The following CRACD variants were observed in gnomAD, a reference collection of about 807,000 sequenced individuals.
The protein encoded by CRACD is capping protein inhibiting regulator of actin dynamics, also known as capping protein-inhibiting regulator of actin dynamics.
In CRACD, 56 loss-of-function variants were observed where a neutral mutation model predicts 106.8. The ratio of observed to expected loss-of-function variants is 0.52; its 90% CI spans 0.42 to 0.66. The LOEUF (loss-of-function observed/expected upper bound fraction) is 0.66, where lower values mean the gene tolerates loss of function less well. CRACD is among the 30% of genes least tolerant of loss of function. CRACD has a pLI of 0.00. For missense variants in CRACD, 1,730 were observed against 1,623.2 expected (o/e 1.07, Z -1.13); for synonymous variants, 754 against 670.8 (o/e 1.12, Z -1.92).
At chr4:56,257,901 C>G (rs1577815072) in intron 2 of CRACD, among the ~76,000 whole-genome samples, 1 of 151,920 alleles carries the variant, frequency 6.6e-6, no homozygotes, top group South Asian at 2.1e-4. Flanking sequence ...GAAACCCCGT[C>G]TCTACTTAAA....
intron 2 of CRACD, among the ~76,000 whole-genome samples, chr4:56,207,967 A>G (rs920493923): frequency 2.0e-5 from 3 of 150,200 alleles, no homozygotes; most frequent in Admixed American, 6.7e-5. Context: ...GACTGCAGAC[A>G]CACCATGCCT....
Position 56,214,681 on chromosome 4 carries a change from C to CTCTCTCTCTCTATA in CRACD, c.-189+35252_-189+35253insCTCTCTCTCTATAT. ...TCTCTCTCTCTCTCTCTCTCTCTCT[C>CTCTCTCTCTCTATA]TATATATATATATATCAAACAGTTA... On this transcript the variant is annotated intron_variant, in intron 2 of 10. Transcript: ENST00000682029. 2.0e-3 allele frequency among the ~76,000 whole-genome samples: 161 copies of CTCTCTCTCTCTATA among 80,976 alleles called. 3 individuals carry two copies. The highest frequency in any genetic ancestry group is 0.014 in the East Asian group (38 of 2,728). The allele number at this position is 80,976 out of a possible 152,430, so 53.1% of individuals were successfully genotyped here.
chr4:56,163,799 G>A (rs1736043087), intron 1 of CRACD, among the ~76,000 whole-genome samples: 2 of 151,762 alleles, frequency 1.3e-5, no homozygotes, highest in Admixed American at 6.6e-5. Context: ...AAACTGCAGT[G>A]CCATGGCACA....
chr4:56,236,524 T>G (rs1032269065), intron 2 of CRACD, among the ~76,000 whole-genome samples: 17 of 152,086 alleles, frequency 1.1e-4, no homozygotes, highest in African/African-American at 3.4e-4. Context: ...CACTAACCAG[T>G]CAGAAGAGAT....
chr4:56,286,482 C>T (rs1252208575), intron 3 of CRACD, among the ~76,000 whole-genome samples: 4 of 138,662 alleles, frequency 2.9e-5, no homozygotes, highest in Non-Finnish European at 4.5e-5. Flanking sequence ...GCCGAGATCG[C>T]GCCACTGCAC....
chr4:56,158,326 T>C (rs1050034291), intron 1 of CRACD, among the ~76,000 whole-genome samples: 2 of 152,230 alleles, frequency 1.3e-5, no homozygotes. Context: ...TTTGCTGAAA[T>C]AGCGCTTTTG....
At chr4:56,270,880 A>T (rs1742310219) in intron 2 of CRACD, among the ~76,000 whole-genome samples, 2 of 151,924 alleles carry the variant, frequency 1.3e-5, no homozygotes, top group African/African-American at 4.8e-5. Context: ...TCAGGAGTTC[A>T]AAACCAGCCT....
intron 2 of CRACD, among the ~76,000 whole-genome samples, chr4:56,267,299 T>G (rs770256481): frequency 1.3e-5 from 2 of 152,084 alleles, no homozygotes; most frequent in Non-Finnish European, 2.9e-5. Context: ...TTTTTTTGTA[T>G]TTTTAGTAGA....
At chr4:56,094,277 A>T (rs939194221) in intron 1 of CRACD, among the ~76,000 whole-genome samples, 4 of 152,160 alleles carry the variant, frequency 2.6e-5, no homozygotes, top group Non-Finnish European at 5.9e-5. Flanking sequence ...TTCCCTAAGT[A>T]GTCATTATTT....
chr4:56,162,221 G>T lies in CRACD; in HGVS notation c.-335-17063G>T, dbSNP rs1257357514. The stretch of plus-strand genomic sequence containing the variant: ...ATTATTATTTTTTTTTAGAAACAGG[G>T]TCTCACTTTGTTGCCCAGGCTGGAG... On this transcript the variant is annotated intron_variant, in intron 1 of 10. Transcript: ENST00000682029. 2.0e-5 allele frequency among the ~76,000 whole-genome samples: 3 copies of T among 151,550 alleles called. No individual in the cohort carries two copies. In the East Asian group the frequency reaches 5.8e-4, roughly 29 times the overall value.
In CRACD at chr4:56,212,351, G is replaced by C. The variant is rs377351332; in HGVS notation, c.-189+32921G>C. On this transcript the variant is annotated intron_variant, in intron 2 of 10. Transcript: ENST00000682029. Reference sequence around the variant, plus strand: ...AAACACATGAATAATGTACCCATTGGTTAGCATATAATCAAGAAATAACCG... The same window carrying C: ...AAACACATGAATAATGTACCCATTGCTTAGCATATAATCAAGAAATAACCG... 1.2e-3 allele frequency among the ~76,000 whole-genome samples: 177 copies of C among 152,318 alleles called. 1 individual carries two copies. Among genetic ancestry groups the C allele is most frequent in the African/African-American group, 3.9e-3 (164 of 41,568 alleles).
intron 4 of CRACD, among the ~76,000 whole-genome samples, chr4:56,301,569 C>A (rs541769394): frequency 4.5e-4 from 68 of 152,188 alleles, no homozygotes; most frequent in African/African-American, 1.4e-3. Context: ...TACTGGAGTG[C>A]CTTTTTTCTC....
chr4:56,301,861 C>A (rs1436208618), intron 4 of CRACD, among the ~76,000 whole-genome samples: 2 of 152,142 alleles, frequency 1.3e-5, no homozygotes, highest in African/African-American at 4.8e-5. Flanking sequence ...AGAAAAATCA[C>A]CATTTTTTTT....
At position 56,203,728 on chromosome 4, in the gene CRACD, G is replaced by A. The variant is rs1737993593; in HGVS notation, c.-189+24298G>A. Among the ~76,000 whole-genome samples, 3 of 152,194 alleles carry A rather than the reference G, an allele frequency of 2.0e-5. No homozygotes were observed. The South Asian group carries it at 6.2e-4, about 32-fold the overall frequency. On this transcript the variant is annotated intron_variant, in intron 2 of 10. Coordinates refer to ENST00000682029, the MANE Select transcript of CRACD (RefSeq NM_001393381.1). ...ACTAAGAACTTAATGAAAGCACAGTGTGGAAACAAGCACTTTGGGACCGCA... is the reference window on the plus strand; with the variant it reads ...ACTAAGAACTTAATGAAAGCACAGTATGGAAACAAGCACTTTGGGACCGCA...
intron 1 of CRACD, among the ~76,000 whole-genome samples, chr4:56,125,764 C>CTTCTTTTTTTTTTTTTTT (rs1420481544): frequency 1.4e-5 from 1 of 73,300 alleles, no homozygotes; most frequent in South Asian, 6.3e-4. Context: ...CATTCTTCTT[C>CTTCTTTTTTTTTTTTTTT]TTTTTTTTTT....
chr4:56,296,718 T>C (rs1560523576), intron 3 of CRACD, among the ~76,000 whole-genome samples: 1 of 152,216 alleles, frequency 6.6e-6, no homozygotes, highest in Non-Finnish European at 1.5e-5. Context: ...CTCCAAGTGC[T>C]GCCTGTGTTG....
intron 1 of CRACD, among the ~76,000 whole-genome samples, chr4:56,106,266 T>A (rs532143407): frequency 6.6e-6 from 1 of 152,110 alleles, no homozygotes; most frequent in Non-Finnish European, 1.5e-5. Flanking sequence ...CCTTTAGACT[T>A]CCCCTGCATG....
intron 2 of CRACD, among the ~76,000 whole-genome samples, chr4:56,223,656 T>C (rs1044597279): frequency 6.6e-5 from 10 of 152,236 alleles, no homozygotes; most frequent in African/African-American, 2.4e-4. Flanking sequence ...ATATATGAAA[T>C]TCTCAAATGT....
At chr4:56,125,825 GC>G (rs1171890781) in intron 1 of CRACD, among the ~76,000 whole-genome samples, 3 of 135,834 alleles carry the variant, frequency 2.2e-5, no homozygotes, top group African/African-American at 8.5e-5. Flanking sequence ...AGGCTGGAGT[GC>G]AATGGCACGA....
Sources: allele counts gnomAD v4.1 joint callset (sites outside exome capture counted in the v4.1 genomes callset), GRCh38; gene constraint gnomAD v4.1.1; transcripts MANE v1.5; gene names NCBI Gene and HGNC (gene_info 2026-07-23, HGNC 2026-07-21).